LRP6: variants seen among roughly 807,000 people sequenced by gnomAD.
The protein encoded by LRP6 is LDL receptor related protein 6, also known as low-density lipoprotein receptor-related protein 6.
In LRP6, 43 loss-of-function variants were observed where a neutral mutation model predicts 184.1. The ratio of observed to expected loss-of-function variants is 0.23; its 90% CI spans 0.18 to 0.30. The LOEUF is 0.30. Among genes scored for constraint, LRP6 ranks in the 10% least tolerant of loss-of-function variants. The probability of loss-of-function intolerance (pLI) is 1.00; values close to 1 mark genes in which losing one functional copy is unlikely to be tolerated. For synonymous variants in LRP6, 719 were observed against 684.9 expected, an observed-to-expected ratio of 1.05 and a Z score of -0.78; for missense variants, 1,571 against 2,005.3, an observed-to-expected ratio of 0.78 and a Z score of 4.14.
intron 1 of LRP6, among the ~76,000 whole-genome samples, chr12:12,260,831 T>C (rs1037657780): frequency 1.3e-5 from 2 of 152,224 alleles, no homozygotes; most frequent in African/African-American, 4.8e-5. Flanking sequence ...GTACCTTCCA[T>C]ATAATCTTCT....
rs1949678179 is a variant in LRP6 at position 12,126,816 on chromosome 12, C to G, written c.4187G>C (p.Arg1396Thr). 3 of 1,614,014 alleles carry G rather than the reference C, an allele frequency of 1.9e-6. No individual in the cohort carries two copies. In the African/African-American group the frequency reaches 4.0e-5, roughly 22 times the overall value. Residue 1396 changes from arginine to threonine, a missense_variant, in exon 20 of 23, where the codon AGG becomes ACG. Arg to Thr is a moderately conservative substitution (Grantham distance 71, BLOSUM62 -1). This residue lies in a region of LRP6 where 763 missense variants were observed against 859.5 expected (regional missense o/e 0.89). Transcript: ENST00000261349. ...TCCCTTCATACGTGGACACAACATC[C>G]TCTGGCAGATAAAGTATACAGTTCC... ...VSGTVYFICQ[R>T]MLCPRMKGDG...
chr12:12,199,708 G>C (rs536551539), intron 3 of LRP6, among the ~76,000 whole-genome samples: 1 of 151,992 alleles, frequency 6.6e-6, no homozygotes, highest in African/African-American at 2.4e-5. Flanking sequence ...GCTCATGCCT[G>C]TAATTCCAGC....
intron 17 of LRP6, among the ~76,000 whole-genome samples, chr12:12,134,931 T>TAC (rs1949811731): frequency 6.6e-6 from 1 of 152,114 alleles, no homozygotes; most frequent in African/African-American, 2.4e-5. Context: ...ACACAAATAC[T>TAC]ACATGATCTC....
intron 2 of LRP6, among the ~76,000 whole-genome samples, chr12:12,204,301 AG>A (rs769254470): frequency 1.7e-3 from 227 of 135,724 alleles, no homozygotes; most frequent in African/African-American, 4.8e-3. Context: ...AAAAAAAAGG[AG>A]GGGGGGGTCA....
intron 21 of LRP6, 147 bp from the exon 22 acceptor site, chr12:12,124,809 C>A: frequency 1.6e-6 from 1 of 631,310 alleles, no homozygotes. Context: ...TGACCTCAAA[C>A]AGTACTTTGG....
intron 2 of LRP6, among the ~76,000 whole-genome samples, chr12:12,231,682 GT>G (rs962853785): frequency 1.1e-4 from 16 of 147,318 alleles, no homozygotes; most frequent in East Asian, 8.0e-4. Flanking sequence ...CCAGGAAACG[GT>G]TTTTTTTTTG....
chr12:12,252,495 T>C (rs1477710777), intron 1 of LRP6, among the ~76,000 whole-genome samples: 1 of 152,238 alleles, frequency 6.6e-6, no homozygotes, highest in Non-Finnish European at 1.5e-5. Context: ...AAAATGTTAT[T>C]AATAGGGATA....
rs139606937 is a variant in LRP6, at chr12:12,142,318, G to A, written c.3398-3784C>T. ...TGAGGTAGACAACTGGGTAAAAAAGGAAGTCAATAGTGTCACTGCAGGCCC... is the reference window on the plus strand; with the variant it reads ...TGAGGTAGACAACTGGGTAAAAAAGAAAGTCAATAGTGTCACTGCAGGCCC... On this transcript the variant is annotated intron_variant, in intron 15 of 22. Coordinates refer to ENST00000261349, the MANE Select transcript of LRP6 (RefSeq NM_002336.3). Among the ~76,000 whole-genome samples, 110 of 152,278 alleles carry A rather than the reference G, an allele frequency of 7.2e-4. 1 individual carries two copies. In the South Asian group the frequency reaches 0.011, roughly 15 times the overall value.
At position 12,218,584 on chromosome 12, in the gene LRP6, G is replaced by T. The variant is rs1467258895; in HGVS notation, c.450-15184C>A. ...TACAAGTGGTCAAAGCACAGAACATGTTCAACATCAGTCAGTAAGGAAATG... is the reference window on the plus strand; with the variant it reads ...TACAAGTGGTCAAAGCACAGAACATTTTCAACATCAGTCAGTAAGGAAATG... On this transcript the variant is annotated intron_variant, in intron 2 of 22. Transcript: ENST00000261349. Among the ~76,000 whole-genome samples the T allele has an allele frequency of 2.0e-5, 3 of 151,968 alleles. No homozygotes were observed. In the East Asian group the frequency reaches 5.8e-4, roughly 29 times the overall value.
At chr12:12,174,902 T>A (rs1863132062) in intron 7 of LRP6, among the ~76,000 whole-genome samples, 1 of 152,218 alleles carries the variant, frequency 6.6e-6, no homozygotes, top group Non-Finnish European at 1.5e-5. Context: ...AAAATTAGAT[T>A]TGTACAAAAC....
At chr12:12,236,811 G>A (rs1243027101) in intron 2 of LRP6, among the ~76,000 whole-genome samples, 1 of 152,196 alleles carries the variant, frequency 6.6e-6, no homozygotes, top group Non-Finnish European at 1.5e-5. Flanking sequence ...TACATAGGGA[G>A]AGATCCAGAA....
chr12:12,214,413 G>A (rs1191492496), intron 2 of LRP6, among the ~76,000 whole-genome samples: 2 of 152,066 alleles, frequency 1.3e-5, no homozygotes, highest in Non-Finnish European at 2.9e-5. Context: ...GCCATTCAAA[G>A]GCCCAGTCAG....
intron 2 of LRP6, among the ~76,000 whole-genome samples, chr12:12,231,180 CAAAAAAAAA>C (rs10661340): frequency 8.5e-4 from 20 of 23,568 alleles, no homozygotes; most frequent in Admixed American, 1.6e-3. Flanking sequence ...GACTCCATCT[CAAAAAAAAA>C]AAAAAAAAAA....
At chr12:12,150,765 G>A in intron 13 of LRP6, 71 bp downstream of exon 13, 1 of 1,516,866 alleles carries the variant, frequency 6.6e-7, no homozygotes, top group Non-Finnish European at 9.1e-7. Flanking sequence ...CAAGACTTAA[G>A]TGAAACAGAG....
intron 2 of LRP6, among the ~76,000 whole-genome samples, chr12:12,232,829 C>T (rs1191679603): frequency 6.6e-6 from 1 of 152,056 alleles, no homozygotes. Flanking sequence ...TGGCAAAATA[C>T]AAAAGGATCA....
intron 2 of LRP6, among the ~76,000 whole-genome samples, chr12:12,222,269 A>G (rs1864508945): frequency 6.6e-6 from 1 of 152,142 alleles, no homozygotes; most frequent in South Asian, 2.1e-4. Flanking sequence ...TCCTCTATAT[A>G]TAAAGAAAGA....
Position 12,139,031 on chromosome 12 carries a change from A to G in LRP6, c.3398-497T>C, listed in dbSNP as rs1565548099. On this transcript the variant is annotated intron_variant, in intron 15 of 22. Transcript: ENST00000261349. ...ACATAGAGTCATCCAGACTCTGAGG[A>G]GGCAACTTCTGCTATTGTTGCACAG... The G allele has an allele frequency of 2.3e-6, 3 of 1,289,632 alleles. No individual in the cohort carries two copies. In the African/African-American group the frequency reaches 4.6e-5, roughly 20 times the overall value. The allele number at this position is 1,289,632 out of a possible 1,614,324, so 79.9% of individuals were successfully genotyped here. A position where few individuals can be genotyped will look rare whatever the true frequency, so the allele number is the denominator to read the frequency against.
chr12:12,261,189 G>A (rs1159163163), intron 1 of LRP6, among the ~76,000 whole-genome samples: 2 of 152,136 alleles, frequency 1.3e-5, no homozygotes, highest in African/African-American at 4.8e-5. Context: ...GGGAGGCCGA[G>A]GCGGGCGGAT....
Position 12,150,900 on chromosome 12 carries a change from T to C in LRP6, c.2930A>G (p.Lys977Arg). 6.2e-7 allele frequency: 1 copy of C among 1,614,194 alleles called. No homozygotes were observed. Among genetic ancestry groups the C allele is most frequent in the Non-Finnish European group, 8.5e-7 (1 of 1,180,024 alleles). ...VRAIDYDPLD[K>R]QLYWIDSRQN... ...TCGTGAGTCAATCCAATAGAGTTGC[T>C]TGTCCAGTGGGTCATAGTCAATGGC... The change falls in exon 13 of 23, where the codon AAG becomes AGG. Residue 977 changes from lysine (K) to arginine (R), a missense_variant. This residue lies in a region of LRP6 where 763 missense variants were observed against 859.5 expected (regional missense o/e 0.89). Transcript: ENST00000261349.
Sources: allele counts gnomAD v4.1 joint callset (sites outside exome capture counted in the v4.1 genomes callset), GRCh38; gene constraint gnomAD v4.1.1; regional missense constraint gnomAD v4.1.1; transcripts MANE v1.5; gene names NCBI Gene and HGNC (gene_info 2026-07-23, HGNC 2026-07-21).